Variants in KCNB2 observed in about 807,000 individuals in gnomAD.
The protein encoded by KCNB2 is potassium voltage-gated channel subfamily B member 2, also known as delayed rectifier potassium channel protein.
A neutral mutation model predicts 61.5 loss-of-function variants in KCNB2; 15 were observed. That is an observed-to-expected ratio of 0.24 (90% confidence interval 0.16 to 0.38). The LOEUF is 0.38. KCNB2 is among the 10% of genes least tolerant of loss of function. The pLI is 1.00. For missense variants in KCNB2, 828 were observed against 1,125.2 expected (o/e 0.74, Z 3.78); for synonymous variants, 457 against 446.0 (o/e 1.02, Z -0.31).
chr8:72,611,580 G>A (rs1805540117), intron 2 of KCNB2, among the ~76,000 whole-genome samples: 1 of 152,172 alleles, frequency 6.6e-6, no homozygotes, highest in African/African-American at 2.4e-5. Context: ...GACTGCCCAT[G>A]ATCTTTTTAG....
chr8:72,897,849 ATTTG>A (rs1444593632), intron 2 of KCNB2, among the ~76,000 whole-genome samples: 1 of 152,036 alleles, frequency 6.6e-6, no homozygotes, highest in African/African-American at 2.4e-5. Flanking sequence ...TTTGTTCTTC[ATTTG>A]CAATTTTGAC....
At chr8:72,870,026 A>G (rs1247174641) in intron 2 of KCNB2, among the ~76,000 whole-genome samples, 2 of 152,204 alleles carry the variant, frequency 1.3e-5, no homozygotes, top group African/African-American at 2.4e-5. Flanking sequence ...AGGAAATCTT[A>G]CCATATGCAA....
At chr8:72,673,652 G>C (rs1041874537) in intron 2 of KCNB2, among the ~76,000 whole-genome samples, 2 of 152,188 alleles carry the variant, frequency 1.3e-5, no homozygotes, top group Non-Finnish European at 2.9e-5. Flanking sequence ...TACAACATGA[G>C]TGAACCTTGA....
chr8:72,665,335 A>G (rs1806450289), intron 2 of KCNB2, among the ~76,000 whole-genome samples: 1 of 152,112 alleles, frequency 6.6e-6, no homozygotes, highest in Non-Finnish European at 1.5e-5. Context: ...TTTAGCTGCA[A>G]CCGCTGGGAG....
intron 2 of KCNB2, among the ~76,000 whole-genome samples, chr8:72,591,960 T>C (rs1242956148): frequency 2.0e-5 from 3 of 152,174 alleles, no homozygotes; most frequent in African/African-American, 7.2e-5. Context: ...TCTCTTGAAA[T>C]GAATATTTAG....
chr8:72,839,307 G>C (rs991411946), intron 2 of KCNB2, among the ~76,000 whole-genome samples: 5 of 152,070 alleles, frequency 3.3e-5, no homozygotes, highest in Admixed American at 2.6e-4. Flanking sequence ...ATTTACAAGA[G>C]GTGTGTCTTC....
intron 2 of KCNB2, among the ~76,000 whole-genome samples, chr8:72,608,213 A>T (rs1248193420): frequency 6.6e-6 from 1 of 152,144 alleles, no homozygotes; most frequent in African/African-American, 2.4e-5. Flanking sequence ...TCTGTGGCAG[A>T]TATGGCAGAT....
chr8:72,683,010 A>G (rs1806787748), intron 2 of KCNB2, among the ~76,000 whole-genome samples: 1 of 152,220 alleles, frequency 6.6e-6, no homozygotes, highest in Admixed American at 6.5e-5. Context: ...GTTCTTGTTT[A>G]TCGTGTATCT....
intron 2 of KCNB2, among the ~76,000 whole-genome samples, chr8:72,574,386 G>A (rs1806764504): frequency 1.3e-5 from 2 of 152,216 alleles, no homozygotes; most frequent in Non-Finnish European, 2.9e-5. Context: ...TATGGAGATA[G>A]TCCTGGCTAA....
At chr8:72,637,097 T>C (rs1401414981) in intron 2 of KCNB2, among the ~76,000 whole-genome samples, 2 of 152,148 alleles carry the variant, frequency 1.3e-5, no homozygotes, top group African/African-American at 4.8e-5. Context: ...TGGTTTGGCA[T>C]GCTTCATAGG....
chr8:72,753,044 T>C (rs1808225533), intron 2 of KCNB2, among the ~76,000 whole-genome samples: 1 of 152,208 alleles, frequency 6.6e-6, no homozygotes, highest in South Asian at 2.1e-4. Context: ...AGAGATTCTG[T>C]CCTGAATATG....
chr8:72,932,516 C>A (rs1296960904), intron 2 of KCNB2, among the ~76,000 whole-genome samples: 7 of 152,070 alleles, frequency 4.6e-5, no homozygotes, highest in Admixed American at 3.3e-4. Flanking sequence ...CCTAAGACCC[C>A]CTATAAAACT....
intron 2 of KCNB2, among the ~76,000 whole-genome samples, chr8:72,834,993 TG>T (rs1809759197): frequency 6.6e-6 from 1 of 152,184 alleles, no homozygotes; most frequent in Non-Finnish European, 1.5e-5. Context: ...ATTCCTTTAG[TG>T]AATATTCCTC....
At chr8:72,765,546 A>G (rs1184853094) in intron 2 of KCNB2, among the ~76,000 whole-genome samples, 2 of 152,206 alleles carry the variant, frequency 1.3e-5, no homozygotes, top group Non-Finnish European at 2.9e-5. Flanking sequence ...ACAAATTTAA[A>G]TTGTGTGTGT....
At chr8:72,889,319 A>G (rs771501133) in intron 2 of KCNB2, among the ~76,000 whole-genome samples, 2 of 152,194 alleles carry the variant, frequency 1.3e-5, no homozygotes, top group Non-Finnish European at 2.9e-5. Context: ...AGGAATTTAA[A>G]CTAGAGGCAC....
chr8:72,817,148 A>G (rs1336608783), intron 2 of KCNB2, among the ~76,000 whole-genome samples: 1 of 152,172 alleles, frequency 6.6e-6, no homozygotes, highest in East Asian at 1.9e-4. Flanking sequence ...AAAATACTTT[A>G]AAGGGTTTTG....
chr8:72,896,443 T>C (rs1161690347), intron 2 of KCNB2, among the ~76,000 whole-genome samples: 1 of 152,166 alleles, frequency 6.6e-6, no homozygotes, highest in Non-Finnish European at 1.5e-5. Context: ...AATTAGTAAA[T>C]GAAACGTTCA....
intron 2 of KCNB2, among the ~76,000 whole-genome samples, chr8:72,714,115 G>T (rs1476867574): frequency 6.6e-6 from 1 of 152,146 alleles, no homozygotes; most frequent in Non-Finnish European, 1.5e-5. Context: ...AGAGAAAAAA[G>T]AATGAAAAGG....
intron 2 of KCNB2, among the ~76,000 whole-genome samples, chr8:72,570,198 T>C (rs1250117407): frequency 6.6e-6 from 1 of 152,150 alleles, no homozygotes; most frequent in African/African-American, 2.4e-5. Context: ...TGCTTCAAAT[T>C]ATGTCTGTAT....
Sources: allele counts gnomAD v4.1 joint callset (sites outside exome capture counted in the v4.1 genomes callset), GRCh38; gene constraint gnomAD v4.1.1; transcripts MANE v1.5; gene names NCBI Gene and HGNC (gene_info 2026-07-23, HGNC 2026-07-21).